The following ARHGAP42 variants were observed in gnomAD, a reference collection of about 807,000 sequenced individuals.
The protein encoded by ARHGAP42 is rho GTPase-activating protein 42.
ARHGAP42 carries 63 observed loss-of-function variants against 125.0 expected under a neutral mutation model. That is an observed-to-expected ratio of 0.50 (90% CI 0.41 to 0.62). The LOEUF is 0.62. Ranked by LOEUF, ARHGAP42 falls within the 20% of genes least tolerant of loss-of-function variation. ARHGAP42 has a pLI of 0.00. For missense variants in ARHGAP42, 766 were observed against 1,024.2 expected (o/e 0.75, Z 3.44); for synonymous variants, 339 against 351.0 (o/e 0.97, Z 0.38).
intron 1 of ARHGAP42, among the ~76,000 whole-genome samples, chr11:100,744,391 T>G (rs995815018): frequency 1.3e-5 from 2 of 152,214 alleles, no homozygotes; most frequent in African/African-American, 4.8e-5. Flanking sequence ...TTTTAAAGAT[T>G]TTGTGTTGTT....
intron 3 of ARHGAP42, among the ~76,000 whole-genome samples, chr11:100,806,833 G>GTTTATTTATTTATTTA (rs375304573): frequency 2.3e-5 from 3 of 129,858 alleles, no homozygotes; most frequent in South Asian, 2.8e-4. Flanking sequence ...TTGTTTGTTT[G>GTTTATTTATTTATTTA]TTTGTTTATT....
chr11:100,929,019 T>C (rs1216704730), intron 6 of ARHGAP42, among the ~76,000 whole-genome samples: 1 of 152,194 alleles, frequency 6.6e-6, no homozygotes, highest in East Asian at 1.9e-4. Context: ...AAATATTAGT[T>C]GATAGGTACC....
rs1414767708 is a variant in ARHGAP42 at position 100,770,412 on chromosome 11, C to T, written c.224C>T (p.Ala75Val). Residue 75 changes from alanine to valine, a missense_variant, in exon 2 of 24, where the codon GCT becomes GTT. Around this residue, in one of 3 missense-constraint regions of ARHGAP42, gnomAD observed 455 missense variants for 636.5 expected, o/e 0.71. Transcript: ENST00000298815. ...TTCCAGTTTGAATGTATTGGTGATGCTGAAACAGATGATGAAATTAGTATT... is the reference window on the plus strand; with the variant it reads ...TTCCAGTTTGAATGTATTGGTGATGTTGAAACAGATGATGAAATTAGTATT... ...QDFQFECIGD[A>V]ETDDEISIAQ... 9.7e-6 allele frequency: 15 copies of T among 1,550,382 alleles called. No homozygotes were observed. The highest frequency in any genetic ancestry group is 1.3e-5 in the Non-Finnish European group (15 of 1,146,202).
intron 1 of ARHGAP42, among the ~76,000 whole-genome samples, chr11:100,698,492 A>G (rs1037975812): frequency 6.6e-6 from 1 of 152,122 alleles, no homozygotes; most frequent in Non-Finnish European, 1.5e-5. Context: ...ATTTTCCAAC[A>G]TGGAGAACCC....
intron 1 of ARHGAP42, among the ~76,000 whole-genome samples, chr11:100,762,709 A>G (rs747662856): frequency 1.3e-5 from 2 of 152,134 alleles, no homozygotes; most frequent in Non-Finnish European, 2.9e-5. Flanking sequence ...TGTTTTTCTT[A>G]TACTTTGCCA....
At chr11:100,888,207 T>C (rs1866139242) in intron 4 of ARHGAP42, among the ~76,000 whole-genome samples, 1 of 151,276 alleles carries the variant, frequency 6.6e-6, no homozygotes, top group African/African-American at 2.4e-5. Context: ...TTAATGTCTT[T>C]GACTATTATG....
intron 3 of ARHGAP42, among the ~76,000 whole-genome samples, chr11:100,826,074 C>T (rs974314128): frequency 3.2e-4 from 49 of 150,864 alleles, no homozygotes; most frequent in South Asian, 1.0e-3. Context: ...TGTTTTTTTT[C>T]TCTCTCTCTC....
intron 23 of ARHGAP42, 123 bp from the exon 24 acceptor site, chr11:100,988,590 C>G: frequency 1.4e-6 from 1 of 716,092 alleles, no homozygotes; most frequent in South Asian, 2.0e-5. Flanking sequence ...ACAAGGGGTC[C>G]TGGAACTAAT....
In ARHGAP42 at chr11:100,979,066, CTTAAATGCATCTAAAAAAAAGTGGTGACA is replaced by C. The variant is rs1461890015; in HGVS notation, c.2456+20_2456+48del. 6.4e-7 allele frequency: 1 copy of C among 1,551,048 alleles called. No individual in the cohort carries two copies. Among genetic ancestry groups the C allele is most frequent in the Admixed American group, 2.0e-5 (1 of 50,966 alleles). On this transcript the variant is annotated intron_variant, in intron 22 of 23. Transcript: ENST00000298815. ...TTCTGGGCGGTAAGTTCTCCAAACCCTTAAATGCATCTAAAAAAAAGTGGTGACATTGTTGCTTTGTATTGACATGACAC... is the reference window on the plus strand; with the variant it reads ...TTCTGGGCGGTAAGTTCTCCAAACCCTTGTTGCTTTGTATTGACATGACAC...
intron 3 of ARHGAP42, among the ~76,000 whole-genome samples, chr11:100,818,231 C>T (rs1864315389): frequency 6.6e-6 from 1 of 151,878 alleles, no homozygotes; most frequent in African/African-American, 2.4e-5. Flanking sequence ...TGTATAAATG[C>T]AATCATCCAC....
At chr11:100,784,463 A>G (rs762270145) in intron 2 of ARHGAP42, among the ~76,000 whole-genome samples, 2 of 152,198 alleles carry the variant, frequency 1.3e-5, no homozygotes, top group Non-Finnish European at 1.5e-5. Flanking sequence ...AGATCCTTAT[A>G]TGGGTATGTA....
chr11:100,978,671 G>C (rs150575620), intron 21 of ARHGAP42, among the ~76,000 whole-genome samples: 8 of 152,136 alleles, frequency 5.3e-5, no homozygotes, highest in Non-Finnish European at 1.0e-4. Flanking sequence ...GTCAATAGCC[G>C]TGCTGCTGGG....
At chr11:100,984,593 C>T (rs1199081524) in intron 22 of ARHGAP42, among the ~76,000 whole-genome samples, 3 of 151,906 alleles carry the variant, frequency 2.0e-5, no homozygotes, top group Non-Finnish European at 4.4e-5. Flanking sequence ...AAATTTTGCA[C>T]ACTGACCCAA....
intron 2 of ARHGAP42, among the ~76,000 whole-genome samples, chr11:100,792,412 T>TA (rs2135027924): frequency 6.6e-6 from 1 of 152,322 alleles, no homozygotes; most frequent in Non-Finnish European, 1.5e-5. Flanking sequence ...CCCCACTACT[T>TA]ACTTTAATTT....
intron 1 of ARHGAP42, chr11:100,738,597 A>C (rs1862115773): frequency 6.6e-6 from 1 of 152,228 alleles, no homozygotes; most frequent in Admixed American, 6.5e-5. Flanking sequence ...GAATAATGAG[A>C]GGTATCATGA....
chr11:100,828,699 T>G (rs1864589490), intron 3 of ARHGAP42, among the ~76,000 whole-genome samples: 1 of 151,740 alleles, frequency 6.6e-6, no homozygotes, highest in African/African-American at 2.4e-5. Flanking sequence ...TCTTTTTTTT[T>G]TTTTTGGAGA....
At chr11:100,983,383 T>A (rs1029559322) in intron 22 of ARHGAP42, among the ~76,000 whole-genome samples, 5 of 152,226 alleles carry the variant, frequency 3.3e-5, no homozygotes, top group African/African-American at 1.2e-4. Flanking sequence ...AATAAATGAA[T>A]TGTCATATAC....
intron 1 of ARHGAP42, among the ~76,000 whole-genome samples, chr11:100,713,760 A>G (rs1285171836): frequency 6.6e-6 from 1 of 152,142 alleles, no homozygotes; most frequent in Non-Finnish European, 1.5e-5. Flanking sequence ...TCTTTAGGGG[A>G]TCTGCAGAAA....
At chr11:100,974,693 T>A (rs1234021367) in intron 19 of ARHGAP42, 90 bp downstream of exon 19, 1 of 1,296,160 alleles carries the variant, frequency 7.7e-7, no homozygotes, top group Non-Finnish European at 1.0e-6. Context: ...AAATAGAAGA[T>A]GTTCTCACTG....
Sources: allele counts gnomAD v4.1 joint callset (sites outside exome capture counted in the v4.1 genomes callset), GRCh38; gene constraint gnomAD v4.1.1; regional missense constraint gnomAD v4.1.1; transcripts MANE v1.5; gene names NCBI Gene and HGNC (gene_info 2026-07-23, HGNC 2026-07-21).